The following PTK2B variants were observed in gnomAD, a reference collection of about 807,000 sequenced individuals.
The protein encoded by PTK2B is protein-tyrosine kinase 2-beta.
In PTK2B, 71 loss-of-function variants were observed where a neutral mutation model predicts 142.9. The ratio of observed to expected loss-of-function variants is 0.50; its 90% CI spans 0.41 to 0.61. PTK2B has a LOEUF of 0.61. Ranked by LOEUF, PTK2B falls within the 20% of genes least tolerant of loss-of-function variation. PTK2B has a pLI of 0.00. For missense variants in PTK2B, 1,105 were observed against 1,320.4 expected (o/e 0.84, Z 2.53); for synonymous variants, 519 against 503.4 (o/e 1.03, Z -0.42).
At chr8:27,351,039 A>G (rs1182791411) in intron 1 of PTK2B, among the ~76,000 whole-genome samples, 1 of 105,234 alleles carries the variant, frequency 9.5e-6, no homozygotes, top group Non-Finnish European at 1.8e-5. Context: ...ATATATATAT[A>G]TACGTGCTTG....
intron 1 of PTK2B, among the ~76,000 whole-genome samples, chr8:27,342,685 G>C (rs188125571): frequency 6.6e-6 from 1 of 151,980 alleles, no homozygotes; most frequent in Non-Finnish European, 1.5e-5. Context: ...AGTTCATCCC[G>C]TCTGTGCTCC....
intron 1 of PTK2B, among the ~76,000 whole-genome samples, chr8:27,358,007 G>C (rs1259121119): frequency 1.3e-5 from 2 of 152,134 alleles, no homozygotes; most frequent in Non-Finnish European, 2.9e-5. Context: ...GTAGTAATTG[G>C]GGTAACCAAG....
intron 9 of PTK2B, 68 bp from the exon 10 acceptor site, chr8:27,432,182 GCTCCCCCATA>G: frequency 7.8e-7 from 1 of 1,276,118 alleles, no homozygotes; most frequent in South Asian, 1.3e-5. Context: ...CCTCACCCCG[GCTCCCCCATA>G]CTGACCAATC....
intron 1 of PTK2B, among the ~76,000 whole-genome samples, chr8:27,339,239 G>C (rs763474897): frequency 4.6e-5 from 7 of 152,206 alleles, no homozygotes; most frequent in Non-Finnish European, 7.3e-5. Flanking sequence ...TTAGGCTTGT[G>C]ACATGATAAC....
intron 30 of PTK2B, among the ~76,000 whole-genome samples, chr8:27,456,900 A>G (rs1026875053): frequency 6.6e-6 from 1 of 152,234 alleles, no homozygotes; most frequent in Non-Finnish European, 1.5e-5. Context: ...CTTCAATTCT[A>G]TGAAGGCTGA....
At chr8:27,424,037 A>G (rs188152609) in intron 5 of PTK2B, among the ~76,000 whole-genome samples, 19 of 152,250 alleles carry the variant, frequency 1.2e-4, no homozygotes, top group African/African-American at 4.6e-4. Context: ...TGTGCCTTTC[A>G]TCCCTTCTCA....
At chr8:27,446,157 GC>G (rs1811458404) in intron 24 of PTK2B, among the ~76,000 whole-genome samples, 1 of 152,216 alleles carries the variant, frequency 6.6e-6, no homozygotes, top group Admixed American at 6.5e-5. Flanking sequence ...CCTGCCCTTG[GC>G]CATGCTGGTG....
At chr8:27,435,372 A>G (rs1409827730) in intron 13 of PTK2B, among the ~76,000 whole-genome samples, 1 of 152,258 alleles carries the variant, frequency 6.6e-6, no homozygotes, top group Non-Finnish European at 1.5e-5. Flanking sequence ...TTAGGGCTTC[A>G]ACAAAGGAAT....
At chr8:27,329,094 C>T (rs1436559770) in intron 1 of PTK2B, among the ~76,000 whole-genome samples, 11 of 152,200 alleles carry the variant, frequency 7.2e-5, no homozygotes, top group South Asian at 2.1e-4. Context: ...CGCACCACCA[C>T]GTCCAGCTAA....
At chr8:27,416,955 C>T (rs1297502181) in intron 2 of PTK2B, among the ~76,000 whole-genome samples, 1 of 152,088 alleles carries the variant, frequency 6.6e-6, no homozygotes, top group Admixed American at 6.5e-5. Flanking sequence ...CTGACAACAC[C>T]AAATGTTAGT....
chr8:27,311,057 C>T, upstream of PTK2B: 1 of 1,597,888 alleles, frequency 6.3e-7, no homozygotes. Context: ...GCGGTCTTTG[C>T]ACACTGGGCA....
chr8:27,365,510 T>G (rs1805969646), intron 1 of PTK2B, among the ~76,000 whole-genome samples: 2 of 152,124 alleles, frequency 1.3e-5, no homozygotes, highest in Non-Finnish European at 2.9e-5. Flanking sequence ...GTATGTTTCT[T>G]TGAGAGACAG....
At chr8:27,397,819 G>A (rs760998588) in intron 2 of PTK2B, 31 bp downstream of exon 2, 1 of 1,608,050 alleles carries the variant, frequency 6.2e-7, no homozygotes, top group Non-Finnish European at 8.5e-7. Flanking sequence ...CTGTCCATCT[G>A]TCTGTCCCTC....
rs140487164 is a variant in PTK2B at position 27,316,412 on chromosome 8, T to A, written c.-414+3125T>A. ...TATGCTGGCTATAAGGAACTTAACT[T>A]TAAATGTAAGCATACAGATTGAACT... On this transcript the variant is annotated intron_variant, in intron 3 of 35. Transcript: ENST00000397501. Among the ~76,000 whole-genome samples the A allele has an allele frequency of 1.0e-2, 1,520 of 152,206 alleles. 31 individuals carry two copies. Among genetic ancestry groups the A allele is most frequent in the African/African-American group, 0.034 (1,420 of 41,506 alleles).
rs758615333 is a variant in PTK2B at position 27,397,540 on chromosome 8, C to T, written c.-37-8C>T. On this transcript the variant is annotated splice_polypyrimidine_tract_variant and splice_region_variant and intron_variant, in intron 1 of 30. Transcript: ENST00000346049. ...TCTTTCAGGGCTGACCCTCTGCTGT[C>T]TCTGCAGGACTGCAATGTGCCGATC... is the stretch of plus-strand genomic sequence containing the variant. 27 of 1,600,204 alleles carry T rather than the reference C, an allele frequency of 1.7e-5. No homozygotes were observed. Among genetic ancestry groups the T allele is most frequent in the South Asian group, 3.3e-5 (3 of 90,734 alleles).
chr8:27,419,948 G>A lies in PTK2B; in HGVS notation c.258G>A (p.Leu86=). The A allele has an allele frequency of 1.2e-6, 2 of 1,614,230 alleles. No individual in the cohort carries two copies. The highest frequency in any genetic ancestry group is 1.7e-6 in the Non-Finnish European group (2 of 1,180,038). The change falls in exon 3 of 31, where the codon TTG becomes TTA. Residue 86 remains leucine, a synonymous_variant. Coordinates refer to ENST00000346049, the MANE Select transcript of PTK2B (RefSeq NM_173176.3). ...GGCGGATCGGGCCCAACATCCGGTT[G>A]GCTGAGTGCTATGGGCTGAGGCTGA... is the stretch of plus-strand genomic sequence containing the variant. ...LSGRIGPNIR[L]AECYGLRLKH...
intron 30 of PTK2B, among the ~76,000 whole-genome samples, chr8:27,458,009 G>A (rs1224251368): frequency 6.8e-6 from 1 of 147,858 alleles, no homozygotes; most frequent in East Asian, 2.0e-4. Context: ...GATCAGATTC[G>A]CATTTTAGAA....
intron 17 of PTK2B, 53 bp from the exon 18 acceptor site, chr8:27,437,712 G>A: frequency 2.0e-6 from 3 of 1,530,514 alleles, no homozygotes; most frequent in South Asian, 2.3e-5. Context: ...TGGTCCCCTG[G>A]CTCCATACTG....
At chr8:27,325,474 C>A (rs1409284835), upstream of PTK2B, 2 of 152,376 alleles carry the variant, frequency 1.3e-5, no homozygotes, top group African/African-American at 2.4e-5. Flanking sequence ...CACACCCCAC[C>A]CTTTAAGGAA....
Sources: gnomAD v4.1 joint callset for allele counts (sites outside exome capture counted in the v4.1 genomes callset) on GRCh38, gnomAD v4.1.1 for gene constraint, MANE v1.5 for transcripts, NCBI Gene and HGNC (gene_info 2026-07-23, HGNC 2026-07-21) for gene names.